The following AOPEP variants were observed in gnomAD, a reference collection of about 807,000 sequenced individuals.
AOPEP encodes the protein aminopeptidase O.
In AOPEP, 77 loss-of-function variants were observed where a neutral mutation model predicts 98.1. The ratio of observed to expected loss-of-function variants is 0.78; its 90% CI spans 0.65 to 0.95. The LOEUF is 0.95. Ranked by LOEUF, AOPEP falls within the 40% of genes least tolerant of loss-of-function variation. The pLI, the probability that AOPEP is intolerant of heterozygous loss-of-function variation, is 0.00. For missense variants in AOPEP, 1,024 were observed against 1,024.7 expected (o/e 1.00, Z 0.01); for synonymous variants, 346 against 365.3 (o/e 0.95, Z 0.60).
intron 14 of AOPEP, among the ~76,000 whole-genome samples, chr9:95,071,309 A>G (rs2068485527): frequency 8.3e-6 from 1 of 121,208 alleles, no homozygotes; most frequent in Admixed American, 1.0e-4. Flanking sequence ...CACACACAAA[A>G]AAATGCTCAC....
chr9:95,064,569 G>T (rs909799973), intron 14 of AOPEP, among the ~76,000 whole-genome samples: 2 of 152,342 alleles, frequency 1.3e-5, no homozygotes, highest in Admixed American at 6.5e-5. Context: ...GATTACAGGC[G>T]TGAGCCACCG....
At chr9:95,072,597 C>T (rs2068622406) in intron 14 of AOPEP, among the ~76,000 whole-genome samples, 1 of 152,112 alleles carries the variant, frequency 6.6e-6, no homozygotes, top group Non-Finnish European at 1.5e-5. Flanking sequence ...CATGCCATTG[C>T]ACTCCAGACT....
At chr9:95,062,949 C>G (rs958652616) in intron 14 of AOPEP, among the ~76,000 whole-genome samples, 2 of 152,200 alleles carry the variant, frequency 1.3e-5, no homozygotes, top group Non-Finnish European at 2.9e-5. Context: ...GTGGAGTAGG[C>G]AAACCATCCC....
At chr9:94,878,710 A>G (rs1483686248) in intron 5 of AOPEP, among the ~76,000 whole-genome samples, 1 of 152,206 alleles carries the variant, frequency 6.6e-6, no homozygotes, top group Admixed American at 6.5e-5. Flanking sequence ...ATTTAATGCC[A>G]ACAGTAGTAC....
chr9:95,117,274 A>G, the AOPEP span: 5 of 1,574,982 alleles, frequency 3.2e-6, no homozygotes, highest in East Asian at 1.1e-4. Flanking sequence ...TGCTCTTCCC[A>G]GGAAATCATT....
chr9:94,790,128 G>A (rs958019102), intron 3 of AOPEP, among the ~76,000 whole-genome samples: 5 of 151,652 alleles, frequency 3.3e-5, no homozygotes, highest in African/African-American at 1.2e-4. Flanking sequence ...GCCCGCCTCG[G>A]CCTCCCAAAG....
At chr9:94,760,766 G>T (rs1419614758) in intron 2 of AOPEP, 186 bp downstream of exon 2, 3 of 459,484 alleles carry the variant, frequency 6.5e-6, no homozygotes, top group African/African-American at 4.0e-5. Flanking sequence ...CCCTTAATAG[G>T]ATTAGCTCCC....
intron 13 of AOPEP, among the ~76,000 whole-genome samples, chr9:95,029,750 G>C (rs2064138847): frequency 6.6e-6 from 1 of 152,168 alleles, no homozygotes; most frequent in Admixed American, 6.5e-5. Context: ...AAGGGAAGGA[G>C]GTTGAAATTC....
At chr9:95,142,086 G>A in the AOPEP span, among the ~76,000 whole-genome samples, 11 of 129,818 alleles carry the variant, frequency 8.5e-5, no homozygotes, top group South Asian at 2.2e-3. Flanking sequence ...TCTGCCTCCC[G>A]GGTTCAAGCA....
In AOPEP at chr9:94,800,998, G is replaced by T. The variant is rs762870994; in HGVS notation, c.1360G>T (p.Ala454Ser). 6.2e-6 allele frequency: 10 copies of T among 1,614,094 alleles called. No individual in the cohort carries two copies. The highest frequency in any genetic ancestry group is 1.6e-4 in the Middle Eastern group (1 of 6,062). ...TGCCAACTTTCCAAGTCTGGGGATG[G>T]CCAGGTATGTTGTTCCATTGTGGCA... is the stretch of plus-strand genomic sequence containing the variant. ...VPANFPSLGM[A>S]SPHIMFLSQS... Residue 454 changes from alanine (A) to serine (S), a missense_variant, in exon 5 of 17, where the codon GCC becomes TCC. Physicochemically the swap from Ala to Ser is moderately conservative, Grantham distance 99. Transcript: ENST00000375315.
At chr9:94,883,503 G>A (rs1235203446) in intron 5 of AOPEP, among the ~76,000 whole-genome samples, 1 of 152,186 alleles carries the variant, frequency 6.6e-6, no homozygotes, top group Non-Finnish European at 1.5e-5. Flanking sequence ...TGTGGCTAGA[G>A]TGATGGGCTG....
chr9:95,149,813 A>C, the AOPEP span: 4 of 1,206,042 alleles, frequency 3.3e-6, no homozygotes, highest in South Asian at 2.6e-5. Flanking sequence ...TATAAAGGGT[A>C]CTGAGACAAA....
intron 11 of AOPEP, among the ~76,000 whole-genome samples, chr9:94,988,310 A>G (rs1177440742): frequency 6.6e-6 from 1 of 152,152 alleles, no homozygotes; most frequent in African/African-American, 2.4e-5. Context: ...GGACGTTGGG[A>G]AGTCGGCAGG....
At chr9:95,046,656 G>T (rs927670775) in intron 13 of AOPEP, among the ~76,000 whole-genome samples, 1 of 152,166 alleles carries the variant, frequency 6.6e-6, no homozygotes, top group African/African-American at 2.4e-5. Context: ...GGGGAACATA[G>T]GGAAGGATAA....
the AOPEP span, among the ~76,000 whole-genome samples, chr9:95,149,666 A>G: frequency 2.6e-5 from 4 of 152,152 alleles, no homozygotes; most frequent in African/African-American, 9.6e-5. Context: ...TTTAGTAGAG[A>G]CAGGGTTTCA....
intron 7 of AOPEP, 156 bp downstream of exon 7, chr9:94,928,687 T>C: frequency 1.7e-6 from 1 of 573,490 alleles, no homozygotes; most frequent in Non-Finnish European, 3.1e-6. Context: ...TTCTAAGTCT[T>C]TCAGGGCATG....
chr9:94,764,685 G>A (rs1839156760), intron 2 of AOPEP, among the ~76,000 whole-genome samples: 1 of 151,872 alleles, frequency 6.6e-6, no homozygotes, highest in South Asian at 2.1e-4. Flanking sequence ...AAGTAATGTA[G>A]TATCCTGAAA....
chr9:95,134,182 T>C, the AOPEP span, among the ~76,000 whole-genome samples: 23 of 152,234 alleles, frequency 1.5e-4, no homozygotes, highest in Middle Eastern at 3.4e-3. Context: ...AAAGGGGCCA[T>C]GAAACAAGGG....
chr9:95,075,303 C>T (rs2068932394), intron 14 of AOPEP, among the ~76,000 whole-genome samples: 1 of 152,104 alleles, frequency 6.6e-6, no homozygotes, highest in Non-Finnish European at 1.5e-5. Context: ...TTGAAGTGTA[C>T]CATTTGATTA....
Sources: allele counts gnomAD v4.1 joint callset (sites outside exome capture counted in the v4.1 genomes callset), GRCh38; gene constraint gnomAD v4.1.1; transcripts MANE v1.5; gene names NCBI Gene and HGNC (gene_info 2026-07-23, HGNC 2026-07-21).